ARHGAP18: variants seen among roughly 807,000 people sequenced by gnomAD.
ARHGAP18 encodes the protein Rho GTPase activating protein 18.
In ARHGAP18, 67 loss-of-function variants were observed where a neutral mutation model predicts 86.2. That is an observed-to-expected ratio of 0.78 (90% CI 0.64 to 0.95). The LOEUF (loss-of-function observed/expected upper bound fraction) is 0.95. Ranked by LOEUF, ARHGAP18 falls within the 40% of genes least tolerant of loss-of-function variation. The pLI is 0.00. For missense variants in ARHGAP18, 691 were observed against 780.4 expected, an observed-to-expected ratio of 0.89 and a Z score of 1.37; for synonymous variants, 283 against 280.4, an observed-to-expected ratio of 1.01 and a Z score of -0.09.
At chr6:129,677,387 C>T (rs991353101) in intron 1 of ARHGAP18, among the ~76,000 whole-genome samples, 1 of 146,004 alleles carries the variant, frequency 6.8e-6, no homozygotes, top group Non-Finnish European at 1.5e-5. Flanking sequence ...AGCGAGACTC[C>T]GTCTCAAAAA....
At chr6:129,610,781 C>T (rs1360945801) in intron 8 of ARHGAP18, among the ~76,000 whole-genome samples, 3 of 152,174 alleles carry the variant, frequency 2.0e-5, no homozygotes, top group Non-Finnish European at 4.4e-5. Context: ...GTGCCCAACA[C>T]CATGCCTGGA....
intron 5 of ARHGAP18, among the ~76,000 whole-genome samples, chr6:129,620,100 C>G (rs1238267690): frequency 3.3e-5 from 5 of 152,096 alleles, no homozygotes; most frequent in Non-Finnish European, 7.4e-5. Context: ...TGCTTGAGAC[C>G]AGAAGTGCTC....
chr6:129,685,324 T>C (rs1584112991), intron 1 of ARHGAP18, among the ~76,000 whole-genome samples: 1 of 152,078 alleles, frequency 6.6e-6, no homozygotes, highest in East Asian at 1.9e-4. Flanking sequence ...CTGGCCAACA[T>C]GGTAAAAACT....
At chr6:129,692,316 T>C (rs891221126) in intron 1 of ARHGAP18, among the ~76,000 whole-genome samples, 2 of 152,304 alleles carry the variant, frequency 1.3e-5, no homozygotes, top group South Asian at 4.1e-4. Context: ...GAGCAGACCC[T>C]TTTCTCAAGA....
rs777613359 is a variant in ARHGAP18, at chr6:129,578,610, A to G, written c.1901-6T>C. On this transcript the variant is annotated splice_region_variant and splice_polypyrimidine_tract_variant and intron_variant, in intron 14 of 14. Transcript: ENST00000368149. Reference sequence around the variant, plus strand: ...ATCATCAAGGCAGCGTTCCCCTGTTAAAATAGATGTTGTGTCAGTTTAATA... The same window carrying G: ...ATCATCAAGGCAGCGTTCCCCTGTTGAAATAGATGTTGTGTCAGTTTAATA... 5 of 1,606,294 alleles carry G rather than the reference A, an allele frequency of 3.1e-6. 1 individual carries two copies. The South Asian group carries it at 5.5e-5, about 18-fold the overall frequency.
intron 6 of ARHGAP18, among the ~76,000 whole-genome samples, chr6:129,616,797 T>TA (rs1004077797): frequency 1.3e-4 from 19 of 150,684 alleles, no homozygotes; most frequent in Middle Eastern, 3.4e-3. Context: ...TTATGAAAAA[T>TA]AAAAAAAAAT....
At chr6:129,683,223 C>T (rs1774357111) in intron 1 of ARHGAP18, among the ~76,000 whole-genome samples, 1 of 152,092 alleles carries the variant, frequency 6.6e-6, no homozygotes, top group Non-Finnish European at 1.5e-5. Context: ...AGGCACTCGC[C>T]ACCACGCCCG....
At chr6:129,625,102 T>TG (rs1450106609) in intron 5 of ARHGAP18, among the ~76,000 whole-genome samples, 1 of 82,476 alleles carries the variant, frequency 1.2e-5, no homozygotes, top group African/African-American at 4.8e-5. Context: ...ATATGATATA[T>TG]ATTATATATT....
chr6:129,699,824 C>G (rs1774682217), intron 1 of ARHGAP18, among the ~76,000 whole-genome samples: 1 of 152,172 alleles, frequency 6.6e-6, no homozygotes, highest in African/African-American at 2.4e-5. Context: ...CTTTTGTAAG[C>G]AGGAACTACT....
intron 1 of ARHGAP18, among the ~76,000 whole-genome samples, chr6:129,686,252 C>G (rs1426699968): frequency 3.9e-5 from 5 of 128,426 alleles, no homozygotes; most frequent in African/African-American, 1.3e-4. Context: ...CGCTCCCAAA[C>G]CCTCCTACCA....
intron 8 of ARHGAP18, 125 bp from the exon 9 acceptor site, chr6:129,608,177 A>G (rs567527426): frequency 8.5e-7 from 1 of 1,174,362 alleles, no homozygotes; most frequent in Admixed American, 3.5e-5. Context: ...GACAAATCAG[A>G]CTACCAAAAG....
intron 9 of ARHGAP18, among the ~76,000 whole-genome samples, chr6:129,607,670 C>A (rs1788882138): frequency 2.0e-5 from 3 of 152,170 alleles, no homozygotes. Flanking sequence ...TGCAATTAAT[C>A]TGTACCCAAA....
At chr6:129,683,025 A>G (rs1207414592) in intron 1 of ARHGAP18, among the ~76,000 whole-genome samples, 1 of 151,964 alleles carries the variant, frequency 6.6e-6, no homozygotes, top group Non-Finnish European at 1.5e-5. Context: ...ACTTCAGGAA[A>G]AAAAAAGTGA....
chr6:129,683,141 G>T (rs192224701), intron 1 of ARHGAP18, among the ~76,000 whole-genome samples: 1 of 150,062 alleles, frequency 6.7e-6, no homozygotes, highest in African/African-American at 2.5e-5. Flanking sequence ...GCGTGATCTC[G>T]GCTCACTGCA....
At chr6:129,680,204 G>C (rs1394465403) in intron 1 of ARHGAP18, among the ~76,000 whole-genome samples, 1 of 152,062 alleles carries the variant, frequency 6.6e-6, no homozygotes, top group Non-Finnish European at 1.5e-5. Context: ...ATTTTTGGAA[G>C]CCACTATCAG....
chr6:129,577,837 A>G lies in ARHGAP18; in HGVS notation c.*676T>C, dbSNP rs896478367. The G allele has an allele frequency of 6.6e-6, 1 of 152,188 alleles. No individual in the cohort carries two copies. The highest frequency in any genetic ancestry group is 1.5e-5 in the Non-Finnish European group (1 of 68,026). The allele number at this position is 152,188 out of a possible 1,614,324, so 9.4% of individuals were successfully genotyped here. The stretch of plus-strand genomic sequence containing the variant: ...TATAAGTATTTAATGGTTCAGTAAT[A>G]ACTGGCAGCTTCTGACAGTCCTATT... On this transcript the variant is annotated 3_prime_UTR_variant, in exon 15 of 15. Coordinates refer to ENST00000368149, the MANE Select transcript of ARHGAP18 (RefSeq NM_033515.3).
intron 1 of ARHGAP18, among the ~76,000 whole-genome samples, chr6:129,684,723 G>A (rs1031415977): frequency 2.0e-5 from 3 of 152,156 alleles, no homozygotes; most frequent in Admixed American, 2.0e-4. Flanking sequence ...TGACTTTCAC[G>A]TGTTTAGCAT....
At chr6:129,592,100 ATT>A (rs67212346) in intron 12 of ARHGAP18, among the ~76,000 whole-genome samples, 2 of 151,492 alleles carry the variant, frequency 1.3e-5, no homozygotes, top group South Asian at 2.1e-4. Context: ...AAGTTCTAAT[ATT>A]TTTTTTTAAT....
chr6:129,679,183 A>T (rs948681320), intron 1 of ARHGAP18, among the ~76,000 whole-genome samples: 1 of 152,236 alleles, frequency 6.6e-6, no homozygotes, highest in Non-Finnish European at 1.5e-5. Flanking sequence ...TATTCATCTG[A>T]TTTGTCCTAA....
Sources: allele counts gnomAD v4.1 joint callset (sites outside exome capture counted in the v4.1 genomes callset), GRCh38; gene constraint gnomAD v4.1.1; transcripts MANE v1.5; gene names NCBI Gene and HGNC (gene_info 2026-07-23, HGNC 2026-07-21).